CCDC110: variants seen among roughly 807,000 people sequenced by gnomAD.
CCDC110 encodes coiled-coil domain containing 110, also known as coiled-coil domain-containing protein 110.
Under a neutral mutation model 77.1 loss-of-function variants are expected in CCDC110, and 70 were observed. That is an observed-to-expected ratio of 0.91 (90% CI 0.75 to 1.11). CCDC110 has a LOEUF of 1.11. Ranked by LOEUF, CCDC110 falls within the 50% of genes least tolerant of loss-of-function variation. The pLI is 0.00. For missense variants in CCDC110, 868 were observed against 942.9 expected, an observed-to-expected ratio of 0.92 and a Z score of 1.04; for synonymous variants, 295 against 312.5, an observed-to-expected ratio of 0.94 and a Z score of 0.59.
chr4:185,459,112 G>T lies in CCDC110; in HGVS notation c.1475C>A (p.Ser492Tyr). The T allele has an allele frequency of 6.3e-7, 1 of 1,592,110 alleles. No individual in the cohort carries two copies. The highest frequency in any genetic ancestry group is 8.6e-7 in the Non-Finnish European group (1 of 1,166,618). Residue 492 changes from serine (S) to tyrosine (Y), a missense_variant, in exon 6 of 7, where the codon TCT (serine) becomes TAT (tyrosine). Physicochemically the swap from Ser to Tyr is moderately radical, Grantham distance 144 (BLOSUM62 -2). Transcript: ENST00000307588. Reference protein sequence around the residue: ...NLVEEKSTIQSKLSKTEEYSK... With the variant: ...NLVEEKSTIQYKLSKTEEYSK... Reference sequence around the variant, plus strand: ...GTATTCTTCTGTTTTACTTAACTTAGACTGAATAGTACTCTTTTCTTCAAC... The same window carrying T: ...GTATTCTTCTGTTTTACTTAACTTATACTGAATAGTACTCTTTTCTTCAAC...
At position 185,463,009 on chromosome 4, in the gene CCDC110, T is replaced by A. The variant is rs747446393; in HGVS notation, c.156A>T (p.Pro52=). The change falls in exon 3 of 7, where the codon CCA becomes CCT. Residue 52 remains proline, a synonymous_variant. Coordinates refer to ENST00000307588, the MANE Select transcript of CCDC110 (RefSeq NM_152775.4). The part of the protein sequence containing the change: ...CIAESENQIQ[P]QSALKVLQQQ... The stretch of plus-strand genomic sequence containing the variant: ...ATAGACTCACTTTCAATGCTGATTG[T>A]GGTTGGATTTGATTTTCTGATTCTG... 3 of 1,613,616 alleles carry A rather than the reference T, an allele frequency of 1.9e-6. No homozygotes were observed. The South Asian group carries it at 3.3e-5, about 18-fold the overall frequency.
At chr4:185,455,065 A>G (rs905927533) in intron 6 of CCDC110, among the ~76,000 whole-genome samples, 2 of 152,212 alleles carry the variant, frequency 1.3e-5, no homozygotes, top group African/African-American at 4.8e-5. Context: ...AGTGTCTGCT[A>G]TATTCCAGGC....
At chr4:185,462,909 C>G in intron 3 of CCDC110, 85 bp downstream of exon 3, 1 of 1,185,996 alleles carries the variant, frequency 8.4e-7, no homozygotes. Flanking sequence ...TGAGAGAACC[C>G]GTTTGCATTT....
intron 1 of CCDC110, 28 bp downstream of exon 1, chr4:185,471,646 T>C: frequency 6.4e-7 from 1 of 1,554,662 alleles, no homozygotes; most frequent in South Asian, 1.2e-5. Flanking sequence ...GCGGCTCCCC[T>C]AGGAGCCCCG....
At chr4:185,446,609 C>T (rs982849297) in intron 6 of CCDC110, among the ~76,000 whole-genome samples, 1 of 152,130 alleles carries the variant, frequency 6.6e-6, no homozygotes, top group South Asian at 2.1e-4. Context: ...TCAGGGACTA[C>T]CTAGTACTAA....
At chr4:185,446,498 T>C (rs536398488) in intron 6 of CCDC110, among the ~76,000 whole-genome samples, 54 of 152,170 alleles carry the variant, frequency 3.5e-4, no homozygotes, top group Non-Finnish European at 7.2e-4. Flanking sequence ...AACATCCATT[T>C]AGAGCTTCAA....
In CCDC110 at chr4:185,462,727, A is replaced by C. The variant is rs374006208; in HGVS notation, c.172-19T>G. 1 of 1,604,028 alleles carries C rather than the reference A, an allele frequency of 6.2e-7. No individual in the cohort carries two copies. The highest frequency in any genetic ancestry group is 1.1e-5 in the South Asian group (1 of 90,862). On this transcript the variant is annotated intron_variant, in intron 3 of 6. Coordinates refer to ENST00000307588, the MANE Select transcript of CCDC110 (RefSeq NM_152775.4). Reference sequence around the variant, plus strand: ...GAAGGACCTATGACAAAAGTAAAGTATGAAATTGAGTATTTTTAGGTAGGT... The same window carrying C: ...GAAGGACCTATGACAAAAGTAAAGTCTGAAATTGAGTATTTTTAGGTAGGT...
intron 3 of CCDC110, 67 bp downstream of exon 3, chr4:185,462,927 A>G: frequency 1.5e-6 from 2 of 1,314,864 alleles, no homozygotes; most frequent in South Asian, 2.4e-5. Context: ...TTTAGGGAGT[A>G]TTTATTCTGA....
At chr4:185,453,243 C>A (rs1257674145) in intron 6 of CCDC110, among the ~76,000 whole-genome samples, 3 of 152,030 alleles carry the variant, frequency 2.0e-5, no homozygotes, top group Non-Finnish European at 1.5e-5. Context: ...AAAACAAAAA[C>A]AACCACTAGA....
At position 185,460,017 on chromosome 4, in the gene CCDC110, A is replaced by C; in HGVS notation, c.570T>G (p.Asn190Lys). The C allele has an allele frequency of 6.2e-7, 1 of 1,613,234 alleles. No individual in the cohort carries two copies. The highest frequency in any genetic ancestry group is 8.5e-7 in the Non-Finnish European group (1 of 1,179,546). ...TATTATAATTCTTCAAGATGTCAGA[A>C]TTTTCTGAAGGGTGTATAATTATGT... is the stretch of plus-strand genomic sequence containing the variant. ...SSNIIIHPSE[N>K]SDILKNYNNF... Residue 190 changes from asparagine (N) to lysine (K), a missense_variant, in exon 6 of 7, where the codon AAT becomes AAG. Asn to Lys is a moderately conservative substitution (Grantham distance 94). Coordinates refer to ENST00000307588, the MANE Select transcript of CCDC110 (RefSeq NM_152775.4).
rs766021099 is a variant in CCDC110, at chr4:185,458,723, ATCTT to A, written c.1860_1863del (p.Glu620AspfsTer13). The A allele has an allele frequency of 3.7e-6, 6 of 1,604,162 alleles. No homozygotes were observed. The East Asian group carries it at 6.7e-5, about 18-fold the overall frequency. ...AGTGTCTCTTGTTCCGTTTTTGCCA[ATCTT>A]TCTTTCTCTTTTAGCTGGATTATCT... On this transcript the variant is annotated frameshift_variant, in exon 6 of 7. Coordinates refer to ENST00000307588, the MANE Select transcript of CCDC110 (RefSeq NM_152775.4). LOFTEE classifies it high-confidence loss of function.
rs778845145 is a variant in CCDC110 at position 185,459,305 on chromosome 4, T to G, written c.1282A>C (p.Ile428Leu). 1.4e-5 allele frequency: 22 copies of G among 1,613,174 alleles called. No individual in the cohort carries two copies. The highest frequency in any genetic ancestry group is 1.9e-5 in the Non-Finnish European group (22 of 1,179,442). Reference sequence around the variant, plus strand: ...TTTAGGTAATTCTGTAAGTACTGAATTTTTGCAACACACTGCTCAGTAACG... The same window carrying G: ...TTTAGGTAATTCTGTAAGTACTGAAGTTTTGCAACACACTGCTCAGTAACG... Reference protein sequence around the residue: ...NSVTEQCVAKIQYLQNYLKES... With the variant: ...NSVTEQCVAKLQYLQNYLKES... The change falls in exon 6 of 7, where the codon ATT becomes CTT. Residue 428 changes from isoleucine (I) to leucine (L), a missense_variant. Physicochemically the swap from Ile to Leu is conservative, Grantham distance 5 (BLOSUM62 2). Transcript: ENST00000307588.
At chr4:185,462,949 C>T in intron 3 of CCDC110, 45 bp downstream of exon 3, 1 of 1,482,266 alleles carries the variant, frequency 6.7e-7, no homozygotes, top group Non-Finnish European at 9.4e-7. Flanking sequence ...AAAGATCAGC[C>T]TTTACCCAGA....
intron 6 of CCDC110, among the ~76,000 whole-genome samples, chr4:185,450,794 T>C (rs2095627843): frequency 6.6e-6 from 1 of 151,788 alleles, no homozygotes; most frequent in South Asian, 2.1e-4. Flanking sequence ...AATATCTTAC[T>C]GTAATTCATA....
Position 185,471,724 on chromosome 4 carries a change from C to A in CCDC110, c.-41G>T, listed in dbSNP as rs768743406. 284 of 1,517,148 alleles carry A rather than the reference C, an allele frequency of 1.9e-4. No individual in the cohort carries two copies. Among genetic ancestry groups the A allele is most frequent in the Admixed American group, 6.7e-4 (32 of 47,590 alleles). The allele number at this position is 1,517,148 out of a possible 1,614,324, so 94.0% of individuals were successfully genotyped here. A position where few individuals can be genotyped will look rare whatever the true frequency, so the allele number is the denominator to read the frequency against. On this transcript the variant is annotated 5_prime_UTR_variant, in exon 1 of 7. Coordinates refer to ENST00000307588, the MANE Select transcript of CCDC110 (RefSeq NM_152775.4). ...CTCTCGCAACCGCCGCCGCACGCACCCGCTCCGCCGCCCCGCGCAGGGCAT... is the reference window on the plus strand; with the variant it reads ...CTCTCGCAACCGCCGCCGCACGCACACGCTCCGCCGCCCCGCGCAGGGCAT...
chr4:185,458,405 C>A lies in CCDC110; in HGVS notation c.2182G>T (p.Glu728Ter), dbSNP rs1396628541. 2 of 1,594,188 alleles carry A rather than the reference C, an allele frequency of 1.3e-6. No homozygotes were observed. The highest frequency in any genetic ancestry group is 4.5e-5 in the East Asian group (2 of 44,600). Reference protein sequence around the residue: ...LKEELKKHSQENIKFENSISR... With the variant: ...LKEELKKHSQ ...ATGCTGTTTTCAAATTTTATATTTT[C>A]TTGACTATGTTTCTTTAGTTCTTCT... The change falls in exon 6 of 7, where the codon GAA becomes TAA. Residue 728 changes from glutamate to a stop codon, truncating the protein, a stop_gained. Coordinates refer to ENST00000307588, the MANE Select transcript of CCDC110 (RefSeq NM_152775.4). LOFTEE classifies it high-confidence loss of function.
intron 6 of CCDC110, among the ~76,000 whole-genome samples, chr4:185,451,916 G>A (rs2095629794): frequency 6.6e-6 from 1 of 152,206 alleles, no homozygotes; most frequent in South Asian, 2.1e-4. Flanking sequence ...TTAAGCAGTA[G>A]TGTGACAATT....
Position 185,459,090 on chromosome 4 carries a change from T to G in CCDC110, c.1497A>C (p.Glu499Asp), listed in dbSNP as rs770064455. 9.5e-6 allele frequency: 15 copies of G among 1,582,624 alleles called. No individual in the cohort carries two copies. The South Asian group carries it at 1.7e-4, about 18-fold the overall frequency. ...ATTCTTTAAGACACTCTTTGCTGTA[T>G]TCTTCTGTTTTACTTAACTTAGACT... ...TIQSKLSKTE[E>D]YSKECLKEFK... Residue 499 changes from glutamate to aspartate, a missense_variant, in exon 6 of 7, where the codon GAA (glutamate) becomes GAC (aspartate). Physicochemically the swap from Glu to Asp is conservative, Grantham distance 45. Coordinates refer to ENST00000307588, the MANE Select transcript of CCDC110 (RefSeq NM_152775.4).
In CCDC110 at chr4:185,460,061, T is replaced by C. The variant is rs2095643279; in HGVS notation, c.526A>G (p.Thr176Ala). Residue 176 changes from threonine to alanine, a missense_variant, in exon 6 of 7, where the codon ACA becomes GCA. Physicochemically the swap from Thr to Ala is moderately conservative, Grantham distance 58 (BLOSUM62 0). Coordinates refer to ENST00000307588, the MANE Select transcript of CCDC110 (RefSeq NM_152775.4). ...ATTATGTTTGAAGATAAATTGTCTGTTGAAGTTCTCAGAGTTAATGTGTCC... is the reference window on the plus strand; with the variant it reads ...ATTATGTTTGAAGATAAATTGTCTGCTGAAGTTCTCAGAGTTAATGTGTCC... ...SEDTLTLRTS[T>A]DNLSSNIIIH... The C allele has an allele frequency of 2.5e-6, 4 of 1,613,848 alleles. No individual in the cohort carries two copies. Among genetic ancestry groups the C allele is most frequent in the Non-Finnish European group, 3.4e-6 (4 of 1,179,898 alleles).
Sources: gnomAD v4.1 joint callset for allele counts (sites outside exome capture counted in the v4.1 genomes callset) on GRCh38, gnomAD v4.1.1 for gene constraint, MANE v1.5 for transcripts, NCBI Gene and HGNC (gene_info 2026-07-23, HGNC 2026-07-21) for gene names.